The following CLASP2 variants were observed in gnomAD, a reference collection of about 807,000 sequenced individuals.
CLASP2 encodes CLIP-associating protein 2.
A neutral mutation model predicts 194.4 loss-of-function variants in CLASP2; 47 were observed. That is an observed-to-expected ratio of 0.24 (90% CI 0.19 to 0.31). CLASP2 has a LOEUF of 0.31. CLASP2 is among the 10% of genes least tolerant of loss of function. The pLI is 1.00. For synonymous variants in CLASP2, 619 were observed against 633.5 expected (o/e 0.98, Z 0.34); for missense variants, 1,445 against 1,823.6 (o/e 0.79, Z 3.78).
At chr3:33,576,519 T>TAGAA in intron 23 of CLASP2, 1 of 419,684 alleles carries the variant, frequency 2.4e-6, no homozygotes, top group Admixed American at 3.9e-5. Context: ...AACCACAAGG[T>TAGAA]AGAAGGAAGC....
At chr3:33,585,089 G>GA (rs901793217) in intron 21 of CLASP2, among the ~76,000 whole-genome samples, 169 bp from the exon 22 acceptor site, 14 of 149,518 alleles carry the variant, frequency 9.4e-5, no homozygotes, top group Admixed American at 2.7e-4. Context: ...TTATAACCTG[G>GA]AAAAAAAAAG....
chr3:33,539,779 A>C (rs1214874999), intron 32 of CLASP2, among the ~76,000 whole-genome samples: 2 of 152,192 alleles, frequency 1.3e-5, no homozygotes, highest in Non-Finnish European at 2.9e-5. Flanking sequence ...AACAGCCTAA[A>C]ATATTTACTA....
intron 6 of CLASP2, among the ~76,000 whole-genome samples, chr3:33,675,725 C>A (rs1326748243): frequency 1.4e-5 from 2 of 143,736 alleles, no homozygotes; most frequent in African/African-American, 5.0e-5. Flanking sequence ...AGTTGATAAG[C>A]AACTTCAGCA....
intron 6 of CLASP2, among the ~76,000 whole-genome samples, chr3:33,667,406 C>CAAAAAAAAAAA (rs537846651): frequency 0.028 from 1,237 of 44,046 alleles, 190 homozygotes; most frequent in African/African-American, 0.074. Context: ...GAGACTATCT[C>CAAAAAAAAAAA]AAAAAAAAAA....
At chr3:33,644,562 C>A in intron 8 of CLASP2, 195 bp downstream of exon 8, 1 of 633,708 alleles carries the variant, frequency 1.6e-6, no homozygotes, top group Non-Finnish European at 2.8e-6. Context: ...CACATACATT[C>A]TTAGAGGAAA....
intron 38 of CLASP2, among the ~76,000 whole-genome samples, chr3:33,501,113 T>G (rs1231238552): frequency 6.6e-6 from 1 of 152,182 alleles, no homozygotes; most frequent in Non-Finnish European, 1.5e-5. Context: ...ACTTACTTAT[T>G]TTTTTAAGTC....
At chr3:33,562,923 T>C (rs1334612792) in intron 27 of CLASP2, among the ~76,000 whole-genome samples, 1 of 152,210 alleles carries the variant, frequency 6.6e-6, no homozygotes, top group Middle Eastern at 3.2e-3. Context: ...CCAGATGACC[T>C]AACTTATCTT....
intron 9 of CLASP2, among the ~76,000 whole-genome samples, chr3:33,629,012 A>C (rs760776163): frequency 2.7e-4 from 39 of 145,712 alleles, no homozygotes; most frequent in Non-Finnish European, 4.4e-4. Context: ...AAGAACAAGA[A>C]AAAAAAAAAT....
At chr3:33,604,283 C>T (rs1560266577) in intron 16 of CLASP2, 74 bp from the exon 17 acceptor site, 1 of 946,692 alleles carries the variant, frequency 1.1e-6, no homozygotes, top group Non-Finnish European at 1.6e-6. Context: ...TAAAATACTA[C>T]TGAATTTTGT....
chr3:33,590,345 T>G (rs895710847), intron 21 of CLASP2, among the ~76,000 whole-genome samples: 1 of 152,148 alleles, frequency 6.6e-6, no homozygotes, highest in Non-Finnish European at 1.5e-5. Flanking sequence ...CAGTATGTAC[T>G]TCTCAAGACT....
intron 26 of CLASP2, among the ~76,000 whole-genome samples, chr3:33,568,912 A>G (rs1481504220): frequency 6.6e-6 from 1 of 152,166 alleles, no homozygotes. Flanking sequence ...AAACTCAAAC[A>G]TTTTTAACTC....
At chr3:33,640,739 T>C (rs1319981873) in intron 8 of CLASP2, among the ~76,000 whole-genome samples, 2 of 152,022 alleles carry the variant, frequency 1.3e-5, no homozygotes, top group Non-Finnish European at 2.9e-5. Flanking sequence ...AAATGATTGA[T>C]ACAGGAATAG....
chr3:33,619,043 C>T (rs1268069180), intron 12 of CLASP2, among the ~76,000 whole-genome samples: 1 of 152,138 alleles, frequency 6.6e-6, no homozygotes, highest in Non-Finnish European at 1.5e-5. Context: ...GGCTACGAAC[C>T]TGTAGCTGAA....
intron 8 of CLASP2, among the ~76,000 whole-genome samples, chr3:33,639,372 T>C (rs955690019): frequency 2.6e-5 from 4 of 152,182 alleles, no homozygotes; most frequent in African/African-American, 9.7e-5. Flanking sequence ...TCCTCTTTGT[T>C]GATTAACGTG....
At chr3:33,667,796 A>G (rs895843143) in intron 6 of CLASP2, among the ~76,000 whole-genome samples, 1 of 152,208 alleles carries the variant, frequency 6.6e-6, no homozygotes, top group Admixed American at 6.5e-5. Context: ...AAATCAACAG[A>G]CCAAAAATAT....
At chr3:33,673,012 C>T (rs2087685447) in intron 6 of CLASP2, among the ~76,000 whole-genome samples, 1 of 152,204 alleles carries the variant, frequency 6.6e-6, no homozygotes, top group African/African-American at 2.4e-5. Flanking sequence ...AGTTGGAAAA[C>T]ACTCTGCAGG....
intron 6 of CLASP2, among the ~76,000 whole-genome samples, chr3:33,671,823 C>A (rs569480344): frequency 6.6e-6 from 1 of 151,638 alleles, no homozygotes; most frequent in Non-Finnish European, 1.5e-5. Flanking sequence ...CCTACGCCCA[C>A]GGAGACTCAC....
At chr3:33,700,555 T>A (rs944971728) in intron 1 of CLASP2, among the ~76,000 whole-genome samples, 139 of 151,824 alleles carry the variant, frequency 9.2e-4, no homozygotes, top group African/African-American at 3.1e-3. Flanking sequence ...TATAAAAAAA[T>A]CAATTGTGGG....
chr3:33,704,065 G>A (rs2092542394), intron 1 of CLASP2, among the ~76,000 whole-genome samples: 1 of 152,244 alleles, frequency 6.6e-6, no homozygotes, highest in Non-Finnish European at 1.5e-5. Flanking sequence ...AAAAGGATCA[G>A]TGACTGCCAG....
Sources: allele counts gnomAD v4.1 joint callset (sites outside exome capture counted in the v4.1 genomes callset), GRCh38; gene constraint gnomAD v4.1.1; transcripts MANE v1.5; gene names NCBI Gene and HGNC (gene_info 2026-07-23, HGNC 2026-07-21).